The following RBPMS2 variants were observed in gnomAD, a reference collection of about 807,000 sequenced individuals.
RBPMS2 encodes the protein RNA-binding protein with multiple splicing 2.
In RBPMS2, 14 loss-of-function variants were observed where a neutral mutation model predicts 25.7. The ratio of observed to expected loss-of-function variants is 0.55; its 90% CI spans 0.36 to 0.85. The LOEUF is 0.85. Ranked by LOEUF, RBPMS2 falls within the 40% of genes least tolerant of loss-of-function variation. The pLI, the probability that RBPMS2 is intolerant of heterozygous loss-of-function variation, is 0.01. For missense variants in RBPMS2, 252 were observed against 283.4 expected (o/e 0.89, Z 0.80); for synonymous variants, 127 against 115.6 (o/e 1.10, Z -0.63).
At chr15:64,763,773 T>A (rs2083814654) in intron 1 of RBPMS2, among the ~76,000 whole-genome samples, 1 of 144,908 alleles carries the variant, frequency 6.9e-6, no homozygotes, top group African/African-American at 2.6e-5. Flanking sequence ...CCTCATAATG[T>A]GCAATGTGTC....
At chr15:64,762,274 C>G (rs141734949) in intron 1 of RBPMS2, 1 of 457,766 alleles carries the variant, frequency 2.2e-6, no homozygotes, top group South Asian at 1.6e-5. Flanking sequence ...TACAGGCCAA[C>G]GACGAGACTG....
At chr15:64,762,440 G>C (rs746166180) in intron 1 of RBPMS2, 1 of 534,710 alleles carries the variant, frequency 1.9e-6, no homozygotes, top group Non-Finnish European at 3.8e-6. Context: ...CTAAGTTTAC[G>C]GCTTTCCTGT....
At chr15:64,765,806 C>T (rs117267826) in intron 1 of RBPMS2, among the ~76,000 whole-genome samples, 5 of 152,134 alleles carry the variant, frequency 3.3e-5, no homozygotes, top group African/African-American at 7.2e-5. Flanking sequence ...TTAGCCAGAT[C>T]GCTTCTCTGC....
At chr15:64,755,195 G>A (rs553261850) in intron 1 of RBPMS2, among the ~76,000 whole-genome samples, 1 of 152,048 alleles carries the variant, frequency 6.6e-6, no homozygotes, top group Non-Finnish European at 1.5e-5. Context: ...TTCCAGCCAG[G>A]ATTCCCTCTG....
chr15:64,773,117 AG>A (rs1314746064), intron 1 of RBPMS2, among the ~76,000 whole-genome samples: 1 of 152,200 alleles, frequency 6.6e-6, no homozygotes, highest in Non-Finnish European at 1.5e-5. Context: ...TTGACTGGGA[AG>A]AAGCCACCTG....
intron 3 of RBPMS2, 108 bp from the exon 4 acceptor site, chr15:64,749,601 C>T: frequency 1.0e-6 from 1 of 990,782 alleles, no homozygotes; most frequent in East Asian, 2.6e-5. Context: ...AGTATTTGCC[C>T]TGCTGATGAG....
intron 6 of RBPMS2, among the ~76,000 whole-genome samples, chr15:64,744,909 G>A (rs77826143): frequency 7.4e-6 from 1 of 135,862 alleles, no homozygotes; most frequent in Non-Finnish European, 1.5e-5. Flanking sequence ...CTGCCTCCTG[G>A]GTTCAAGCGA....
chr15:64,748,061 G>A (rs1041822872), intron 6 of RBPMS2, among the ~76,000 whole-genome samples: 3 of 152,180 alleles, frequency 2.0e-5, no homozygotes, highest in South Asian at 2.1e-4. Context: ...GACAGGAAGG[G>A]GCAGAGGCAG....
chr15:64,766,862 T>C (rs1007430817), intron 1 of RBPMS2, among the ~76,000 whole-genome samples: 1 of 151,976 alleles, frequency 6.6e-6, no homozygotes, highest in Non-Finnish European at 1.5e-5. Context: ...TCTCATTAAG[T>C]GGCCTCCGCC....
intron 1 of RBPMS2, among the ~76,000 whole-genome samples, chr15:64,755,899 C>T (rs1302319753): frequency 6.6e-6 from 1 of 151,700 alleles, no homozygotes; most frequent in Non-Finnish European, 1.5e-5. Context: ...CTCGGCTCAC[C>T]CCTTCCTCAC....
At position 64,746,920 on chromosome 15, in the gene RBPMS2, G is replaced by A. The variant is rs1313529935; in HGVS notation, c.567+1499C>T. On this transcript the variant is annotated intron_variant, in intron 6 of 7. Transcript: ENST00000300069. ...GTGATTCCTTCCAGTGCCTCCCAGG[G>A]CCTTGCAGTTAAACATCCGCTTGAC... 4.6e-5 allele frequency among the ~76,000 whole-genome samples: 7 copies of A among 152,190 alleles called. No homozygotes were observed. The East Asian group carries it at 1.3e-3, about 29-fold the overall frequency.
chr15:64,744,253 T>G (rs2083591653), intron 6 of RBPMS2, among the ~76,000 whole-genome samples: 1 of 151,714 alleles, frequency 6.6e-6, no homozygotes, highest in South Asian at 2.1e-4. Flanking sequence ...TTCTAGGAAT[T>G]TATCATAAAG....
At position 64,740,982 on chromosome 15, in the gene RBPMS2, A is replaced by ACCTCC; in HGVS notation, c.*21_*25dup. 1 of 528,412 alleles carries ACCTCC rather than the reference A, an allele frequency of 1.9e-6. No homozygotes were observed. The highest frequency in any genetic ancestry group is 3.4e-5 in the Admixed American group (1 of 29,338). The allele number at this position is 528,412 out of a possible 1,614,324, so 32.7% of individuals were successfully genotyped here. On this transcript the variant is annotated 3_prime_UTR_variant, in exon 8 of 8. Transcript: ENST00000300069. ...GGCACCACCACAGATTACCAGAACC[A>ACCTCC]CCTCCCCGGTGACCAGACCTGGAGG... is the stretch of plus-strand genomic sequence containing the variant.
At chr15:64,754,790 G>C (rs1253795110) in intron 1 of RBPMS2, among the ~76,000 whole-genome samples, 1 of 151,926 alleles carries the variant, frequency 6.6e-6, no homozygotes, top group Admixed American at 6.6e-5. Context: ...GGGAAAGGAC[G>C]ACAGGACCCG....
chr15:64,762,290 C>CA (rs1266487325), intron 1 of RBPMS2: 10 of 476,994 alleles, frequency 2.1e-5, no homozygotes, highest in Non-Finnish European at 3.4e-5. Context: ...GACTGACTGA[C>CA]AGACTGTCAA....
At chr15:64,774,435 A>G (rs2083913422) in intron 1 of RBPMS2, among the ~76,000 whole-genome samples, 1 of 151,592 alleles carries the variant, frequency 6.6e-6, no homozygotes, top group Non-Finnish European at 1.5e-5. Flanking sequence ...CCTCCCTACC[A>G]TCCATTAACC....
intron 6 of RBPMS2, among the ~76,000 whole-genome samples, chr15:64,746,453 C>T (rs1426780800): frequency 6.6e-6 from 1 of 152,232 alleles, no homozygotes; most frequent in Admixed American, 6.5e-5. Context: ...ATGCGAACAA[C>T]ACACCTATCA....
intron 1 of RBPMS2, among the ~76,000 whole-genome samples, chr15:64,765,535 T>TGCCACTACACTCCAGCCTGGGCA (rs1567070445): frequency 6.7e-6 from 1 of 149,540 alleles, no homozygotes; most frequent in African/African-American, 2.5e-5. Flanking sequence ...GCCGTAATCA[T>TGCCACTACACTCCAGCCTGGGCA]GCCACTACAC....
chr15:64,774,726 C>T (rs1201787373), intron 1 of RBPMS2, among the ~76,000 whole-genome samples: 2 of 130,142 alleles, frequency 1.5e-5, no homozygotes, highest in Non-Finnish European at 3.2e-5. Flanking sequence ...CTCGCAGGAA[C>T]CGAGGAGCCG....
Sources: gnomAD v4.1 joint callset for allele counts (sites outside exome capture counted in the v4.1 genomes callset) on GRCh38, gnomAD v4.1.1 for gene constraint, MANE v1.5 for transcripts, NCBI Gene and HGNC (gene_info 2026-07-23, HGNC 2026-07-21) for gene names.